Variants in GPHN observed in about 807,000 individuals in gnomAD.
GPHN encodes the protein gephyrin.
GPHN carries 17 observed loss-of-function variants against 95.5 expected under a neutral mutation model. That is an observed-to-expected ratio of 0.18 (90% confidence interval 0.12 to 0.27). The LOEUF is 0.27. Among genes scored for constraint, GPHN ranks in the 10% least tolerant of loss-of-function variants. The pLI, the probability that GPHN is intolerant of heterozygous loss-of-function variation, is 1.00. For synonymous variants in GPHN, 320 were observed against 322.5 expected (o/e 0.99, Z 0.08); for missense variants, 660 against 978.1 (o/e 0.67, Z 4.34).
the GPHN span, chr14:67,571,913 G>T: frequency 4.4e-6 from 7 of 1,599,786 alleles, no homozygotes; most frequent in Non-Finnish European, 6.0e-6. Context: ...GTACAGAGAA[G>T]GGGAGCAGGG....
At chr14:66,837,896 A>G (rs117542099) in intron 4 of GPHN, among the ~76,000 whole-genome samples, 1,830 of 152,132 alleles carry the variant, frequency 0.012, 19 homozygotes, top group Non-Finnish European at 0.018. Flanking sequence ...TATGGATACG[A>G]GAGATCATAT....
chr14:66,821,954 G>T (rs1176849732), intron 3 of GPHN, among the ~76,000 whole-genome samples: 2 of 152,032 alleles, frequency 1.3e-5, no homozygotes, highest in Non-Finnish European at 2.9e-5. Flanking sequence ...ACTGATTTTT[G>T]TTTGTTTGTT....
intron 4 of GPHN, among the ~76,000 whole-genome samples, chr14:66,844,024 C>A (rs997726951): frequency 7.9e-5 from 12 of 151,752 alleles, no homozygotes; most frequent in Non-Finnish European, 1.2e-4. Flanking sequence ...TTTAATAAGA[C>A]CAGAAGATTT....
At chr14:66,989,311 C>A (rs1448132054) in intron 9 of GPHN, among the ~76,000 whole-genome samples, 1 of 151,698 alleles carries the variant, frequency 6.6e-6, no homozygotes, top group Non-Finnish European at 1.5e-5. Flanking sequence ...TCTAGAAACC[C>A]ATAAAAATAT....
chr14:67,346,100 C>T, the GPHN span, among the ~76,000 whole-genome samples: 4 of 152,156 alleles, frequency 2.6e-5, no homozygotes, highest in Admixed American at 2.6e-4. Context: ...ACAAAGGAAG[C>T]TTTTAACCAA....
At chr14:66,947,424 T>G (rs901476098) in intron 8 of GPHN, among the ~76,000 whole-genome samples, 3 of 152,218 alleles carry the variant, frequency 2.0e-5, no homozygotes, top group African/African-American at 7.2e-5. Context: ...ACTTAATTTA[T>G]CTCTAGAACT....
chr14:66,583,751 G>C (rs1224927750), intron 1 of GPHN, among the ~76,000 whole-genome samples: 5 of 152,142 alleles, frequency 3.3e-5, no homozygotes, highest in Non-Finnish European at 7.3e-5. Context: ...CTATATCTCT[G>C]TTTTGGTACC....
chr14:67,287,617 G>T, the GPHN span, among the ~76,000 whole-genome samples: 1 of 152,166 alleles, frequency 6.6e-6, no homozygotes, highest in Non-Finnish European at 1.5e-5. Context: ...GTATGAATTG[G>T]TACAAATCCA....
intron 11 of GPHN, among the ~76,000 whole-genome samples, chr14:67,082,353 G>T (rs1411130074): frequency 6.6e-6 from 1 of 151,926 alleles, no homozygotes; most frequent in African/African-American, 2.4e-5. Context: ...TTGCATTTGG[G>T]TATCTGATTT....
intron 21 of GPHN, among the ~76,000 whole-genome samples, chr14:67,169,961 C>T (rs2082502877): frequency 6.6e-6 from 1 of 152,078 alleles, no homozygotes; most frequent in African/African-American, 2.4e-5. Flanking sequence ...GCCTGTAATC[C>T]CGGCTATTCA....
the GPHN span, among the ~76,000 whole-genome samples, chr14:67,439,568 T>TCTTTCTTC: frequency 2.9e-4 from 41 of 141,276 alleles, no homozygotes; most frequent in Non-Finnish European, 4.6e-4. Context: ...TTTCTTTCTT[T>TCTTTCTTC]CTTTCTTTCT....
chr14:67,074,608 A>T (rs1442122416), intron 11 of GPHN, among the ~76,000 whole-genome samples: 1 of 152,168 alleles, frequency 6.6e-6, no homozygotes, highest in African/African-American at 2.4e-5. Flanking sequence ...CTCATTTTAA[A>T]TCAAAAGCTG....
At chr14:67,723,348 C>T in the GPHN span, among the ~76,000 whole-genome samples, 13 of 152,318 alleles carry the variant, frequency 8.5e-5, no homozygotes, top group South Asian at 2.5e-3. Flanking sequence ...ACCCTCCTGC[C>T]TCAGCCTCCC....
chr14:66,857,201 A>T (rs117749539), intron 4 of GPHN, among the ~76,000 whole-genome samples: 1,833 of 152,296 alleles, frequency 0.012, 19 homozygotes, highest in Non-Finnish European at 0.018. Flanking sequence ...ATGAAGAATG[A>T]AATGAGAAGG....
At chr14:66,839,577 T>C (rs1294771448) in intron 4 of GPHN, among the ~76,000 whole-genome samples, 2 of 152,162 alleles carry the variant, frequency 1.3e-5, no homozygotes, top group East Asian at 3.9e-4. Flanking sequence ...CCAGAGAGAA[T>C]ATAATTGTTA....
At chr14:66,524,961 C>A (rs1049642892) in intron 1 of GPHN, among the ~76,000 whole-genome samples, 3 of 152,006 alleles carry the variant, frequency 2.0e-5, no homozygotes, top group African/African-American at 7.2e-5. Context: ...GTAAACATAC[C>A]TGTGCATGTG....
At chr14:66,516,810 A>ATGG (rs2058265160) in intron 1 of GPHN, among the ~76,000 whole-genome samples, 1 of 152,204 alleles carries the variant, frequency 6.6e-6, no homozygotes, top group South Asian at 2.1e-4. Flanking sequence ...AGTCTAATTA[A>ATGG]TGGTTAAGAA....
chr14:66,616,938 C>T (rs1406279593), intron 1 of GPHN, among the ~76,000 whole-genome samples: 1 of 152,164 alleles, frequency 6.6e-6, no homozygotes, highest in Non-Finnish European at 1.5e-5. Flanking sequence ...GATCTCCTGA[C>T]CTCGTGATCT....
At chr14:67,204,713 C>G in the GPHN span, 6 of 1,613,912 alleles carry the variant, frequency 3.7e-6, no homozygotes, top group Non-Finnish European at 5.1e-6. Flanking sequence ...CAGGAGAAAG[C>G]CAAAGTTTCC....
Sources: gnomAD v4.1 joint callset for allele counts (sites outside exome capture counted in the v4.1 genomes callset) on GRCh38, gnomAD v4.1.1 for gene constraint, MANE v1.5 for transcripts, NCBI Gene and HGNC (gene_info 2026-07-23, HGNC 2026-07-21) for gene names.